Variants in APP observed in about 807,000 individuals in gnomAD.
The protein encoded by APP is amyloid-beta precursor protein.
APP carries 31 observed loss-of-function variants against 101.4 expected under a neutral mutation model. That is an observed-to-expected ratio of 0.31 (90% CI 0.23 to 0.41). The LOEUF is 0.41. APP is among the 10% of genes least tolerant of loss of function. APP has a pLI of 1.00. For missense variants in APP, 839 were observed against 1,003.7 expected, an observed-to-expected ratio of 0.84 and a Z score of 2.22; for synonymous variants, 366 against 364.4, an observed-to-expected ratio of 1.00 and a Z score of -0.05.
At chr21:25,990,797 C>A (rs2042829959) in intron 8 of APP, among the ~76,000 whole-genome samples, 1 of 152,120 alleles carries the variant, frequency 6.6e-6, no homozygotes, top group Non-Finnish European at 1.5e-5. Context: ...ATAAAATTAT[C>A]AGGTATTGAT....
chr21:26,017,643 A>G (rs942082994), intron 6 of APP, among the ~76,000 whole-genome samples: 2 of 134 alleles, frequency 0.015, no homozygotes, highest in Admixed American at 0.083. Context: ...GTTCCTCTGG[A>G]CAGGGCACAA....
intron 5 of APP, among the ~76,000 whole-genome samples, chr21:26,034,018 G>A (rs1353670900): frequency 1.3e-5 from 2 of 152,170 alleles, no homozygotes; most frequent in African/African-American, 4.8e-5. Flanking sequence ...AAAAAAATCT[G>A]AGCCACTAAT....
intron 6 of APP, among the ~76,000 whole-genome samples, chr21:26,014,346 T>C (rs1403862941): frequency 1.3e-5 from 2 of 152,220 alleles, no homozygotes; most frequent in Non-Finnish European, 2.9e-5. Context: ...AACAGAGGCA[T>C]GAGAATTAAG....
At chr21:25,987,227 C>G (rs114786897) in intron 8 of APP, among the ~76,000 whole-genome samples, 2,985 of 152,230 alleles carry the variant, frequency 0.02, 88 homozygotes, top group African/African-American at 0.068. Context: ...GTGAAAGAGC[C>G]CATGGAGCTA....
At chr21:26,156,470 T>A (rs1264291113) in intron 1 of APP, among the ~76,000 whole-genome samples, 1 of 152,216 alleles carries the variant, frequency 6.6e-6, no homozygotes, top group Non-Finnish European at 1.5e-5. Context: ...AACGTATTCT[T>A]GGAGTGCCAA....
At chr21:26,046,626 C>T (rs2146887719) in intron 5 of APP, among the ~76,000 whole-genome samples, 1 of 152,102 alleles carries the variant, frequency 6.6e-6, no homozygotes, top group South Asian at 2.1e-4. Flanking sequence ...GTCTGCAAAC[C>T]TAAACCTAAA....
At chr21:26,130,066 C>T (rs2062761327) in intron 1 of APP, among the ~76,000 whole-genome samples, 1 of 152,138 alleles carries the variant, frequency 6.6e-6, no homozygotes, top group South Asian at 2.1e-4. Context: ...TATATTGAAA[C>T]GTTGTGCTAA....
At chr21:25,946,431 C>T (rs897207576) in intron 13 of APP, among the ~76,000 whole-genome samples, 3 of 152,092 alleles carry the variant, frequency 2.0e-5, no homozygotes, top group East Asian at 3.8e-4. Flanking sequence ...TTTGGAAGGC[C>T]GAGGTGGGCA....
At chr21:26,154,079 A>C (rs546643771) in intron 1 of APP, among the ~76,000 whole-genome samples, 10 of 152,342 alleles carry the variant, frequency 6.6e-5, no homozygotes, top group Non-Finnish European at 7.3e-5. Flanking sequence ...TCTGAAAATA[A>C]CTATTTTACA....
intron 2 of APP, among the ~76,000 whole-genome samples, chr21:26,102,638 C>A (rs1381359659): frequency 1.3e-5 from 2 of 151,908 alleles, no homozygotes; most frequent in African/African-American, 2.4e-5. Flanking sequence ...CACCTGTAAT[C>A]CCAGCACTTT....
chr21:25,941,182 A>AAGACACATG (rs2040562487), intron 13 of APP: 3 of 152,252 alleles, frequency 2.0e-5, no homozygotes, highest in African/African-American at 7.2e-5. Flanking sequence ...GGGGATGGGC[A>AAGACACATG]TTATAGGCAG....
intron 13 of APP, among the ~76,000 whole-genome samples, chr21:25,929,251 A>G (rs2040036344): frequency 6.6e-6 from 1 of 152,204 alleles, no homozygotes; most frequent in Admixed American, 6.5e-5. Context: ...TTATGACTTC[A>G]CTGTGAGTCT....
At chr21:25,933,679 CATTA>C (rs1366451663) in intron 13 of APP, 2 of 152,158 alleles carry the variant, frequency 1.3e-5, no homozygotes, top group African/African-American at 4.8e-5. Context: ...GTGTGGTAAA[CATTA>C]ATTAACCCTG....
intron 5 of APP, among the ~76,000 whole-genome samples, chr21:26,033,215 G>A (rs1178525567): frequency 6.6e-6 from 1 of 152,164 alleles, no homozygotes; most frequent in African/African-American, 2.4e-5. Context: ...CTGGTGGGAC[G>A]GAATTGGATC....
chr21:26,165,693 CTG>C (rs1449664472), intron 1 of APP, among the ~76,000 whole-genome samples: 1 of 152,200 alleles, frequency 6.6e-6, no homozygotes, highest in Non-Finnish European at 1.5e-5. Context: ...TCGTAAGATA[CTG>C]TGAGTCTCGC....
intron 6 of APP, among the ~76,000 whole-genome samples, chr21:26,005,315 G>A (rs117911803): frequency 7.2e-5 from 11 of 152,240 alleles, no homozygotes; most frequent in Middle Eastern, 3.4e-3. Flanking sequence ...TCGCGAGGCC[G>A]AAGCACTGGA....
chr21:26,107,750 C>T (rs1486191165), intron 2 of APP, among the ~76,000 whole-genome samples: 1 of 152,176 alleles, frequency 6.6e-6, no homozygotes, highest in Admixed American at 6.5e-5. Context: ...ATGCTCAATG[C>T]TGATGGTATT....
At chr21:25,981,101 G>A (rs2042414811) in intron 9 of APP, among the ~76,000 whole-genome samples, 1 of 152,134 alleles carries the variant, frequency 6.6e-6, no homozygotes, top group Non-Finnish European at 1.5e-5. Flanking sequence ...AGGAGCTTTT[G>A]ATTGACTGGT....
chr21:26,054,253 G>GTAGTATGCC (rs1478682711), intron 3 of APP, among the ~76,000 whole-genome samples: 4 of 121,484 alleles, frequency 3.3e-5, no homozygotes, highest in Non-Finnish European at 7.8e-5. Flanking sequence ...TGAATGGTGA[G>GTAGTATGCC]AAGTAGTATG....
Sources: allele counts gnomAD v4.1 joint callset (sites outside exome capture counted in the v4.1 genomes callset), GRCh38; gene constraint gnomAD v4.1.1; transcripts MANE v1.5; gene names NCBI Gene and HGNC (gene_info 2026-07-23, HGNC 2026-07-21).